Variants in MYCBP2 observed in about 807,000 individuals in gnomAD.
MYCBP2 encodes E3 ubiquitin-protein ligase MYCBP2.
A neutral mutation model predicts 525.3 loss-of-function variants in MYCBP2; 120 were observed. The ratio of observed to expected loss-of-function variants is 0.23; its 90% confidence interval spans 0.20 to 0.27. The LOEUF is 0.27. Among genes scored for constraint, MYCBP2 ranks in the 10% least tolerant of loss-of-function variants. MYCBP2 has a pLI of 1.00. For synonymous variants in MYCBP2, 1,894 were observed against 1,955.8 expected (o/e 0.97, Z 0.83); for missense variants, 4,149 against 5,657.1 (o/e 0.73, Z 8.55).
At chr13:77,117,431 C>G (rs895924369) in intron 55 of MYCBP2, among the ~76,000 whole-genome samples, 1 of 152,048 alleles carries the variant, frequency 6.6e-6, no homozygotes, top group African/African-American at 2.4e-5. Context: ...ATATCATTTG[C>G]TAGCTACATA....
chr13:77,090,073 T>G lies in MYCBP2; in HGVS notation c.10525+33A>C, dbSNP rs759513755. On this transcript the variant is annotated intron_variant, in intron 60 of 82. Transcript: ENST00000544440. ...AATTTTTTTATTTGTAGTAGTCAGA[T>G]CACTCAATATTCTTTTTTATCCTCA... 1.2e-5 allele frequency: 18 copies of G among 1,562,344 alleles called. No homozygotes were observed. In the Admixed American group the frequency reaches 1.7e-4, roughly 15 times the overall value.
chr13:77,150,800 C>G lies in MYCBP2; in HGVS notation c.7065G>C (p.Lys2355Asn). The change falls in exon 47 of 83, where the codon AAG (lysine) becomes AAC (asparagine). Residue 2355 changes from lysine to asparagine, a missense_variant. Lys to Asn is a moderately conservative substitution (Grantham distance 94, BLOSUM62 0). Transcript: ENST00000544440. ...TCATTGGTTCATATGAAACATCTAG[C>G]TTTGGTGATGCCAGCCCTCCATAAG... Reference protein sequence around the residue: ...DMTYGGLASPKLDVSYEPMIV... With the variant: ...DMTYGGLASPNLDVSYEPMIV... The G allele has an allele frequency of 6.2e-7, 1 of 1,614,094 alleles. No individual in the cohort carries two copies. The highest frequency in any genetic ancestry group is 1.1e-5 in the South Asian group (1 of 91,084).
intron 3 of MYCBP2, among the ~76,000 whole-genome samples, chr13:77,286,459 A>AT (rs1486479926): frequency 4.0e-5 from 6 of 151,840 alleles, no homozygotes; most frequent in African/African-American, 1.5e-4. Context: ...ATATAGAAAA[A>AT]ATATATATAA....
intron 62 of MYCBP2, among the ~76,000 whole-genome samples, chr13:77,084,682 T>C (rs2043909012): frequency 6.6e-6 from 1 of 152,068 alleles, no homozygotes; most frequent in African/African-American, 2.4e-5. Context: ...CCACCTCTGG[T>C]TGGACTAAAA....
chr13:77,272,003 G>A (rs1356626238), intron 5 of MYCBP2, among the ~76,000 whole-genome samples: 1 of 152,204 alleles, frequency 6.6e-6, no homozygotes, highest in Non-Finnish European at 1.5e-5. Context: ...ATGTGGTGAT[G>A]TGGCAGGTCT....
intron 3 of MYCBP2, among the ~76,000 whole-genome samples, chr13:77,283,427 G>A (rs1422154857): frequency 6.6e-6 from 1 of 152,108 alleles, no homozygotes; most frequent in Non-Finnish European, 1.5e-5. Flanking sequence ...TTGAGGGCAG[G>A]AATTATGTCT....
intron 2 of MYCBP2, among the ~76,000 whole-genome samples, chr13:77,291,976 A>G (rs1029578869): frequency 6.6e-6 from 1 of 152,222 alleles, no homozygotes; most frequent in African/African-American, 2.4e-5. Context: ...GCAATGGACC[A>G]TGCCTCCTGG....
chr13:77,295,739 C>T (rs1198201769), intron 2 of MYCBP2, among the ~76,000 whole-genome samples: 1 of 152,170 alleles, frequency 6.6e-6, no homozygotes, highest in Non-Finnish European at 1.5e-5. Context: ...GTGCTCTGGT[C>T]ACTGAAAATG....
At chr13:77,230,972 A>C (rs536885188) in intron 18 of MYCBP2, among the ~76,000 whole-genome samples, 1 of 152,336 alleles carries the variant, frequency 6.6e-6, no homozygotes, top group Admixed American at 6.5e-5. Context: ...AAAGCAGTGA[A>C]TGGAGAGATA....
intron 80 of MYCBP2, among the ~76,000 whole-genome samples, chr13:77,054,057 G>A (rs1014717949): frequency 5.9e-5 from 9 of 152,156 alleles, no homozygotes; most frequent in African/African-American, 2.2e-4. Flanking sequence ...AAGTGAGATG[G>A]GGGTATGTTA....
intron 3 of MYCBP2, among the ~76,000 whole-genome samples, chr13:77,282,517 CAGAGGA>C (rs1300863448): frequency 6.6e-6 from 1 of 152,104 alleles, no homozygotes; most frequent in Non-Finnish European, 1.5e-5. Context: ...TCTTCACACT[CAGAGGA>C]AGAGAACTTT....
At chr13:77,171,793 G>A (rs1226467640) in intron 37 of MYCBP2, among the ~76,000 whole-genome samples, 159 bp from the exon 38 acceptor site, 2 of 152,166 alleles carry the variant, frequency 1.3e-5, no homozygotes, top group Non-Finnish European at 2.9e-5. Context: ...AATGATAAGG[G>A]CTTTGAAGAA....
intron 15 of MYCBP2, among the ~76,000 whole-genome samples, chr13:77,246,828 T>C (rs928639144): frequency 2.0e-5 from 3 of 152,018 alleles, no homozygotes; most frequent in Non-Finnish European, 4.4e-5. Flanking sequence ...TGAAAATCAA[T>C]CCATGTAATG....
chr13:77,055,416 A>G, intron 80 of MYCBP2, 142 bp downstream of exon 80: 1 of 736,724 alleles, frequency 1.4e-6, no homozygotes, highest in South Asian at 1.9e-5. Context: ...TACTGGAAAC[A>G]TTGGGAAACA....
intron 30 of MYCBP2, among the ~76,000 whole-genome samples, chr13:77,188,018 C>A (rs1242355206): frequency 6.7e-6 from 1 of 149,662 alleles, no homozygotes; most frequent in African/African-American, 2.5e-5. Context: ...TTGCAGTGAG[C>A]CAAGATCGTG....
chr13:77,174,899 CTATATATATATAATATATAT>C (rs1566810383), intron 36 of MYCBP2, among the ~76,000 whole-genome samples: 1 of 964 alleles, frequency 1.0e-3, no homozygotes, highest in African/African-American at 2.9e-3. Flanking sequence ...ATTAGCCATA[CTATATATATATAATATATAT>C]TATATATATA....
intron 55 of MYCBP2, among the ~76,000 whole-genome samples, chr13:77,112,687 C>T (rs1367247289): frequency 1.3e-5 from 2 of 152,244 alleles, no homozygotes; most frequent in Non-Finnish European, 2.9e-5. Flanking sequence ...CATCCTTCTA[C>T]CTTGGCCTTG....
intron 55 of MYCBP2, among the ~76,000 whole-genome samples, chr13:77,105,554 T>C (rs988603582): frequency 7.9e-5 from 12 of 152,148 alleles, no homozygotes; most frequent in African/African-American, 2.9e-4. Context: ...TTTATAAAGA[T>C]TTATACTTTT....
At chr13:77,250,919 T>G (rs17067361) in intron 15 of MYCBP2, among the ~76,000 whole-genome samples, 4,082 of 152,252 alleles carry the variant, frequency 0.027, 196 homozygotes, top group African/African-American at 0.092. Context: ...AATAATGGTT[T>G]AAATGAATCA....
Sources: allele counts gnomAD v4.1 joint callset (sites outside exome capture counted in the v4.1 genomes callset), GRCh38; gene constraint gnomAD v4.1.1; transcripts MANE v1.5; gene names NCBI Gene and HGNC (gene_info 2026-07-23, HGNC 2026-07-21).